Variants in FSTL5 observed in about 807,000 individuals in gnomAD.
The protein encoded by FSTL5 is follistatin-related protein 5.
A neutral mutation model predicts 89.1 loss-of-function variants in FSTL5; 62 were observed. The observed-to-expected ratio is 0.70, with a 90% CI of 0.57 to 0.86. The LOEUF (loss-of-function observed/expected upper bound fraction) is 0.86. Among genes scored for constraint, FSTL5 ranks in the 40% least tolerant of loss-of-function variants. The pLI is 0.00. For missense variants in FSTL5, 1,057 were observed against 1,001.6 expected, an observed-to-expected ratio of 1.06 and a Z score of -0.75; for synonymous variants, 383 against 346.2, an observed-to-expected ratio of 1.11 and a Z score of -1.18.
chr4:161,667,068 A>C (rs1736926777), intron 6 of FSTL5, among the ~76,000 whole-genome samples: 1 of 152,184 alleles, frequency 6.6e-6, no homozygotes, highest in East Asian at 1.9e-4. Context: ...ATATTTTTAT[A>C]TTAATTCAAG....
At chr4:161,452,824 GCA>G (rs913339157) in intron 15 of FSTL5, among the ~76,000 whole-genome samples, 4 of 152,084 alleles carry the variant, frequency 2.6e-5, no homozygotes, top group African/African-American at 9.7e-5. Flanking sequence ...GCATTTCACT[GCA>G]CATTCCTCAA....
Position 161,916,805 on chromosome 4 carries a change from A to G in FSTL5, c.409+3599T>C, listed in dbSNP as rs367885782. On this transcript the variant is annotated intron_variant, in intron 4 of 15. Transcript: ENST00000306100. ...TAACACAGAGGTATTTCAATATGTA[A>G]CACAAGTAATAGAAAGAGGATATAC... is the stretch of plus-strand genomic sequence containing the variant. 4.6e-5 allele frequency among the ~76,000 whole-genome samples: 7 copies of G among 152,302 alleles called. No individual in the cohort carries two copies. The South Asian group carries it at 1.2e-3, about 27-fold the overall frequency.
chr4:161,783,199 C>A (rs919805454), intron 4 of FSTL5, among the ~76,000 whole-genome samples: 1 of 152,142 alleles, frequency 6.6e-6, no homozygotes, highest in African/African-American at 2.4e-5. Flanking sequence ...GCTATTATAA[C>A]TCATCAAATG....
chr4:161,876,001 T>G (rs986257525), intron 4 of FSTL5, among the ~76,000 whole-genome samples: 1 of 152,200 alleles, frequency 6.6e-6, no homozygotes, highest in Non-Finnish European at 1.5e-5. Flanking sequence ...CCTTAGAAAT[T>G]TTTTAATCCA....
chr4:161,972,341 TG>T (rs1194286828), intron 3 of FSTL5, among the ~76,000 whole-genome samples: 5 of 152,198 alleles, frequency 3.3e-5, no homozygotes, highest in African/African-American at 1.2e-4. Context: ...CCTAAAGTGC[TG>T]GGATTACAAG....
At chr4:161,632,248 C>T (rs1179912490) in intron 7 of FSTL5, among the ~76,000 whole-genome samples, 4 of 152,000 alleles carry the variant, frequency 2.6e-5, no homozygotes, top group East Asian at 1.9e-4. Context: ...GGTGTGGTGG[C>T]GGGCACCTGT....
intron 6 of FSTL5, among the ~76,000 whole-genome samples, chr4:161,657,276 A>G (rs1046214950): frequency 5.9e-5 from 9 of 152,226 alleles, no homozygotes; most frequent in Admixed American, 1.3e-4. Context: ...GACTAGGATA[A>G]TGTCTGCCAA....
intron 4 of FSTL5, among the ~76,000 whole-genome samples, chr4:161,893,001 G>T (rs934708448): frequency 6.6e-6 from 1 of 152,118 alleles, no homozygotes; most frequent in African/African-American, 2.4e-5. Flanking sequence ...ATACAAGTGA[G>T]TGTTTTCCCA....
chr4:162,015,044 A>C (rs1736877923), intron 3 of FSTL5, among the ~76,000 whole-genome samples: 1 of 152,222 alleles, frequency 6.6e-6, no homozygotes, highest in African/African-American at 2.4e-5. Flanking sequence ...TTTCAGAAGC[A>C]TCAATGGCTG....
intron 3 of FSTL5, among the ~76,000 whole-genome samples, chr4:161,961,098 T>C (rs1464740944): frequency 2.0e-5 from 3 of 152,114 alleles, no homozygotes; most frequent in African/African-American, 4.8e-5. Context: ...TGAGAATAGA[T>C]AACTTCGATT....
intron 13 of FSTL5, among the ~76,000 whole-genome samples, chr4:161,473,968 A>G (rs1283779838): frequency 6.6e-6 from 1 of 152,206 alleles, no homozygotes; most frequent in Non-Finnish European, 1.5e-5. Flanking sequence ...TAGTGATAAG[A>G]AGGCACTTCC....
intron 7 of FSTL5, among the ~76,000 whole-genome samples, chr4:161,631,893 T>G (rs1735517153): frequency 6.6e-6 from 1 of 152,206 alleles, no homozygotes; most frequent in Non-Finnish European, 1.5e-5. Flanking sequence ...AATTCTAGTA[T>G]AGTATTTATG....
At chr4:161,521,403 C>G (rs1368689459) in intron 10 of FSTL5, among the ~76,000 whole-genome samples, 1 of 151,960 alleles carries the variant, frequency 6.6e-6, no homozygotes, top group African/African-American at 2.4e-5. Flanking sequence ...ATAATGCTAC[C>G]TGATTTTAAA....
chr4:161,545,628 T>C (rs1006302340), intron 8 of FSTL5, among the ~76,000 whole-genome samples: 1 of 151,956 alleles, frequency 6.6e-6, no homozygotes, highest in Non-Finnish European at 1.5e-5. Flanking sequence ...CTTAGTATTG[T>C]GGTCCCACAA....
chr4:161,884,357 T>TCAA (rs1414156539), intron 4 of FSTL5, among the ~76,000 whole-genome samples: 15 of 152,214 alleles, frequency 9.9e-5, no homozygotes, highest in African/African-American at 3.6e-4. Flanking sequence ...CTACTGCTTA[T>TCAA]TAATTTCATA....
intron 4 of FSTL5, among the ~76,000 whole-genome samples, chr4:161,790,070 C>T (rs369246195): frequency 1.3e-5 from 2 of 152,094 alleles, no homozygotes; most frequent in East Asian, 1.9e-4. Context: ...TTGCAACATC[C>T]TCTCAAGGAG....
chr4:161,747,457 T>C (rs1192784081), intron 6 of FSTL5, among the ~76,000 whole-genome samples: 1 of 152,204 alleles, frequency 6.6e-6, no homozygotes, highest in Non-Finnish European at 1.5e-5. Context: ...CAATAAAGTG[T>C]TATTATCATT....
At position 161,893,351 on chromosome 4, in the gene FSTL5, A is replaced by C. The variant is rs536619865; in HGVS notation, c.409+27053T>G. On this transcript the variant is annotated intron_variant, in intron 4 of 15. Transcript: ENST00000306100. Reference sequence around the variant, plus strand: ...CAGATAATGGAACTTCAAAGTCATAATTAGCTTTTAACACTAGAAAGATTG... The same window carrying C: ...CAGATAATGGAACTTCAAAGTCATACTTAGCTTTTAACACTAGAAAGATTG... Among the ~76,000 whole-genome samples the C allele has an allele frequency of 2.0e-5, 3 of 152,278 alleles. No homozygotes were observed. The South Asian group carries it at 6.2e-4, about 32-fold the overall frequency.
At position 161,481,006 on chromosome 4, in the gene FSTL5, G is replaced by C. The variant is rs752436601; in HGVS notation, c.1608+14C>G. ...TTAAAGATTTACTTTTTAAAAAGTA[G>C]TAATTATTCATACCTGAACAACTTT... On this transcript the variant is annotated intron_variant, in intron 13 of 15. Transcript: ENST00000306100. 1.9e-6 allele frequency: 3 copies of C among 1,570,532 alleles called. No homozygotes were observed. The highest frequency in any genetic ancestry group is 2.6e-6 in the Non-Finnish European group (3 of 1,152,016).
Sources: gnomAD v4.1 joint callset for allele counts (sites outside exome capture counted in the v4.1 genomes callset) on GRCh38, gnomAD v4.1.1 for gene constraint, MANE v1.5 for transcripts, NCBI Gene and HGNC (gene_info 2026-07-23, HGNC 2026-07-21) for gene names.